The following CEP85 variants were observed in gnomAD, a reference collection of about 807,000 sequenced individuals.
CEP85 encodes the protein centrosomal protein 85.
A neutral mutation model predicts 93.7 loss-of-function variants in CEP85; 58 were observed. The observed-to-expected ratio is 0.62, with a 90% CI of 0.50 to 0.77. The LOEUF is 0.77. Ranked by LOEUF, CEP85 falls within the 30% of genes least tolerant of loss-of-function variation. The probability of loss-of-function intolerance (pLI) is 0.00; values close to 1 mark genes in which losing one functional copy is unlikely to be tolerated. For synonymous variants in CEP85, 314 were observed against 338.6 expected (o/e 0.93, Z 0.80); for missense variants, 868 against 922.0 (o/e 0.94, Z 0.76).
chr1:26,263,549 C>T (rs902988150), intron 7 of CEP85, among the ~76,000 whole-genome samples: 1 of 152,044 alleles, frequency 6.6e-6, no homozygotes. Flanking sequence ...CATGGTGGTC[C>T]CTCCTGTAGT....
At chr1:26,235,733 C>T (rs1052745923) in intron 1 of CEP85, among the ~76,000 whole-genome samples, 81 of 152,106 alleles carry the variant, frequency 5.3e-4, no homozygotes, top group African/African-American at 1.9e-3. Flanking sequence ...CCACCATGCA[C>T]GGATAATTTT....
At chr1:26,244,446 G>T in intron 3 of CEP85, 128 bp downstream of exon 3, 1 of 816,544 alleles carries the variant, frequency 1.2e-6, no homozygotes. Context: ...TTCATTCAAG[G>T]AGTCTCTCAT....
chr1:26,237,277 GT>G (rs1297802418), intron 1 of CEP85, among the ~76,000 whole-genome samples: 1 of 152,104 alleles, frequency 6.6e-6, no homozygotes, highest in Non-Finnish European at 1.5e-5. Flanking sequence ...TATTGGCAAG[GT>G]TGTGCAGTCA....
intron 3 of CEP85, among the ~76,000 whole-genome samples, chr1:26,245,267 G>A (rs564673885): frequency 3.3e-5 from 5 of 150,956 alleles, no homozygotes; most frequent in Admixed American, 6.6e-5. Flanking sequence ...TGCCTGAAAC[G>A]ATCCTATTGC....
Position 26,239,842 on chromosome 1 carries a change from A to G in CEP85, c.55+4A>G. The G allele has an allele frequency of 1.9e-6, 3 of 1,609,440 alleles. No homozygotes were observed. The highest frequency in any genetic ancestry group is 2.6e-6 in the Non-Finnish European group (3 of 1,175,710). The stretch of plus-strand genomic sequence containing the variant: ...ATCTCTCACGTCACTTCACCGAGTG[A>G]GTAGTCAGAAGTTTTCTGGGTTAAA... On this transcript the variant is annotated splice_donor_region_variant and intron_variant, in intron 2 of 13. Transcript: ENST00000451429.
At chr1:26,257,144 G>A (rs1382490807) in intron 4 of CEP85, among the ~76,000 whole-genome samples, 2 of 152,002 alleles carry the variant, frequency 1.3e-5, no homozygotes, top group Non-Finnish European at 2.9e-5. Flanking sequence ...TGTTGCCCAT[G>A]CTGGTTTAGA....
chr1:26,250,925 C>CTTTTTTTTTTTTTTTT lies in CEP85; in HGVS notation c.209-4240_209-4239insTTTTTTTTTTTTTTTT, dbSNP rs71581048. On this transcript the variant is annotated intron_variant, in intron 3 of 13. Transcript: ENST00000451429. ...TGAGCCAAGCTTGCCTTTTTTTTTT[C>CTTTTTTTTTTTTTTTT]TTTTTTCTTTTTTTTTTTTTTTTTT... 2.4e-4 allele frequency among the ~76,000 whole-genome samples: 13 copies of CTTTTTTTTTTTTTTTT among 55,134 alleles called. 2 individuals carry two copies. Among genetic ancestry groups the CTTTTTTTTTTTTTTTT allele is most frequent in the East Asian group, 5.8e-4 (1 of 1,712 alleles). 36.2% of individuals were successfully genotyped at this position (55,134 alleles called of 152,430 possible).
chr1:26,236,643 A>T (rs531602337), intron 1 of CEP85, among the ~76,000 whole-genome samples: 1 of 152,142 alleles, frequency 6.6e-6, no homozygotes, highest in Non-Finnish European at 1.5e-5. Flanking sequence ...TTTGTTGTCA[A>T]TGAGGGTCAG....
intron 3 of CEP85, among the ~76,000 whole-genome samples, chr1:26,248,722 C>CTTTTTTTTTTCTTTTT (rs2089551163): frequency 1.8e-5 from 1 of 56,194 alleles, no homozygotes; most frequent in African/African-American, 8.1e-5. Context: ...GTCTTGAACT[C>CTTTTTTTTTTCTTTTT]TTTTTTTTTT....
intron 7 of CEP85, among the ~76,000 whole-genome samples, chr1:26,262,357 A>C (rs2089823385): frequency 6.6e-6 from 1 of 152,108 alleles, no homozygotes; most frequent in Non-Finnish European, 1.5e-5. Context: ...GGGCTCCTGT[A>C]ACCTCAGCTA....
intron 3 of CEP85, among the ~76,000 whole-genome samples, chr1:26,253,345 G>C (rs2089647944): frequency 6.6e-6 from 1 of 151,240 alleles, no homozygotes; most frequent in South Asian, 2.1e-4. Context: ...CTGTGTACTA[G>C]AGTTCCCTTT....
At chr1:26,236,727 T>C (rs887894268) in intron 1 of CEP85, among the ~76,000 whole-genome samples, 2 of 152,200 alleles carry the variant, frequency 1.3e-5, no homozygotes, top group African/African-American at 4.8e-5. Flanking sequence ...AGCCCTCAGG[T>C]GATCCTGATA....
At chr1:26,242,477 T>C (rs1274345228) in intron 2 of CEP85, among the ~76,000 whole-genome samples, 1 of 152,210 alleles carries the variant, frequency 6.6e-6, no homozygotes, top group African/African-American at 2.4e-5. Flanking sequence ...ATAAAGATTC[T>C]TTCAAATCAG....
At chr1:26,251,479 G>C (rs1403326398) in intron 3 of CEP85, among the ~76,000 whole-genome samples, 2 of 151,678 alleles carry the variant, frequency 1.3e-5, no homozygotes, top group South Asian at 4.2e-4. Context: ...TCAAACTCCG[G>C]ACCTCAGGTG....
At chr1:26,273,784 C>A (rs1447547795) in intron 11 of CEP85, among the ~76,000 whole-genome samples, 2 of 151,982 alleles carry the variant, frequency 1.3e-5, no homozygotes, top group Non-Finnish European at 2.9e-5. Flanking sequence ...GTAGTCCCAG[C>A]TACTTGGGAG....
At chr1:26,250,118 T>C (rs1473795531) in intron 3 of CEP85, among the ~76,000 whole-genome samples, 2 of 152,126 alleles carry the variant, frequency 1.3e-5, no homozygotes, top group Non-Finnish European at 2.9e-5. Flanking sequence ...GTGTTGCTAT[T>C]TCATTTCAAA....
chr1:26,253,390 C>CTTTT (rs778365418), intron 3 of CEP85, among the ~76,000 whole-genome samples: 5 of 134,634 alleles, frequency 3.7e-5, no homozygotes, highest in African/African-American at 8.2e-5. Flanking sequence ...TATCTTTCAT[C>CTTTT]TTTTTTTTTT....
intron 3 of CEP85, among the ~76,000 whole-genome samples, chr1:26,250,042 G>A (rs2089579308): frequency 6.6e-6 from 1 of 152,124 alleles, no homozygotes; most frequent in African/African-American, 2.4e-5. Flanking sequence ...CACCTGCCTG[G>A]TTCCCATACA....
chr1:26,244,859 T>C (rs1408904904), intron 3 of CEP85, among the ~76,000 whole-genome samples: 1 of 152,136 alleles, frequency 6.6e-6, no homozygotes, highest in African/African-American at 2.4e-5. Flanking sequence ...TGGCCTCAAG[T>C]CTTTCCCTCT....
Sources: allele counts gnomAD v4.1 joint callset (sites outside exome capture counted in the v4.1 genomes callset), GRCh38; gene constraint gnomAD v4.1.1; transcripts MANE v1.5; gene names NCBI Gene and HGNC (gene_info 2026-07-23, HGNC 2026-07-21).